TNS3: variants seen among roughly 807,000 people sequenced by gnomAD.
TNS3 encodes the protein tensin 3.
A neutral mutation model predicts 140.9 loss-of-function variants in TNS3; 45 were observed. The ratio of observed to expected loss-of-function variants is 0.32; its 90% CI spans 0.25 to 0.41. TNS3 has a LOEUF of 0.41. Ranked by LOEUF, TNS3 falls within the 10% of genes least tolerant of loss-of-function variation. The pLI is 1.00. For missense variants in TNS3, 1,716 were observed against 1,906.7 expected, an observed-to-expected ratio of 0.90 and a Z score of 1.86; for synonymous variants, 815 against 788.4, an observed-to-expected ratio of 1.03 and a Z score of -0.56.
intron 17 of TNS3, among the ~76,000 whole-genome samples, chr7:47,347,006 C>T (rs568954740): frequency 3.3e-5 from 5 of 152,208 alleles, no homozygotes; most frequent in Admixed American, 2.0e-4. Context: ...AAATGGGGGT[C>T]GGGCTGGGAT....
intron 10 of TNS3, among the ~76,000 whole-genome samples, chr7:47,416,016 G>A (rs551061588): frequency 4.6e-5 from 7 of 152,362 alleles, no homozygotes; most frequent in East Asian, 3.9e-4. Flanking sequence ...CTGCCTGTTG[G>A]TGCCCTGCCT....
chr7:47,342,214 A>G lies in TNS3; in HGVS notation c.2650+2541T>C, dbSNP rs184889987. ...TCTCCCCATCTTTCAGAGCTTTCTTATATTTGTCTTATACTTACTGTCCAA... is the reference window on the plus strand; with the variant it reads ...TCTCCCCATCTTTCAGAGCTTTCTTGTATTTGTCTTATACTTACTGTCCAA... On this transcript the variant is annotated intron_variant, in intron 20 of 30. Coordinates refer to ENST00000311160, the MANE Select transcript of TNS3 (RefSeq NM_022748.12). Among the ~76,000 whole-genome samples the G allele has an allele frequency of 4.5e-3, 680 of 152,240 alleles. 7 individuals carry two copies. Among genetic ancestry groups the G allele is most frequent in the African/African-American group, 0.015 (629 of 41,542 alleles).
intron 5 of TNS3, 82 bp downstream of exon 5, chr7:47,441,921 T>C (rs1217930251): frequency 1.9e-5 from 19 of 1,010,314 alleles, no homozygotes; most frequent in Admixed American, 7.0e-5. Context: ...CAGAAGAAAA[T>C]GATGCCATGC....
At chr7:47,421,756 T>A (rs140401756) in intron 10 of TNS3, among the ~76,000 whole-genome samples, 11 of 152,264 alleles carry the variant, frequency 7.2e-5, no homozygotes, top group Middle Eastern at 3.4e-3. Flanking sequence ...AAAACTTACA[T>A]GGGCACATGT....
In TNS3 at chr7:47,303,191, C is replaced by T. The variant is rs747966107; in HGVS notation, c.3216G>A (p.Thr1072=). The change falls in exon 22 of 31, where the codon ACG becomes ACA. Residue 1072 remains threonine, a synonymous_variant. Coordinates refer to ENST00000311160, the MANE Select transcript of TNS3 (RefSeq NM_022748.12). ...GGTGGCTGCTGTGTCCAGGCGCCACCGTGAGAAAGTTGTGGGACAGGAAGC... is the reference window on the plus strand; with the variant it reads ...GGTGGCTGCTGTGTCCAGGCGCCACTGTGAGAAAGTTGTGGGACAGGAAGC... ...DNGFLSHNFL[T]VAPGHSSHHS... 1.9e-5 allele frequency: 30 copies of T among 1,613,402 alleles called. No individual in the cohort carries two copies. The Admixed American group carries it at 4.2e-4, about 22-fold the overall frequency.
upstream of TNS3, chr7:47,582,470 A>C (rs1358160770): frequency 2.2e-6 from 1 of 456,636 alleles, no homozygotes; most frequent in Middle Eastern, 3.3e-4. Flanking sequence ...CAACCAGTTC[A>C]TTCTTTCATT....
At chr7:47,388,231 T>C (rs1007207031) in intron 16 of TNS3, among the ~76,000 whole-genome samples, 50 of 151,946 alleles carry the variant, frequency 3.3e-4, no homozygotes, top group Non-Finnish European at 2.5e-4. Context: ...TACACCAGGG[T>C]CTACACACAC....
chr7:47,448,223 T>A (rs1795845136), intron 4 of TNS3, among the ~76,000 whole-genome samples: 1 of 152,180 alleles, frequency 6.6e-6, no homozygotes, highest in Non-Finnish European at 1.5e-5. Flanking sequence ...CACTCACCCA[T>A]GTGGGGCATG....
At chr7:47,306,793 G>A (rs187489722) in intron 20 of TNS3, among the ~76,000 whole-genome samples, 2 of 152,256 alleles carry the variant, frequency 1.3e-5, no homozygotes, top group East Asian at 1.9e-4. Flanking sequence ...TAGCAAGCAT[G>A]GCTACGATCT....
At chr7:47,511,164 G>C (rs1357322887) in intron 2 of TNS3, among the ~76,000 whole-genome samples, 4 of 152,172 alleles carry the variant, frequency 2.6e-5, no homozygotes, top group African/African-American at 2.4e-5. Context: ...CAGTGAAACT[G>C]AACTTTAAGC....
At chr7:47,393,568 C>T (rs1379190385) in intron 16 of TNS3, among the ~76,000 whole-genome samples, 3 of 152,162 alleles carry the variant, frequency 2.0e-5, no homozygotes, top group Non-Finnish European at 4.4e-5. Flanking sequence ...CCTGTCACTC[C>T]ACCTCCCTGG....
intron 1 of TNS3, among the ~76,000 whole-genome samples, chr7:47,575,205 T>C (rs939375050): frequency 6.6e-6 from 1 of 152,204 alleles, no homozygotes. Context: ...TACATCCACA[T>C]ACTGGAGTAC....
chr7:47,278,794 A>G (rs1784990456), intron 30 of TNS3: 1 of 152,438 alleles, frequency 6.6e-6, no homozygotes, highest in African/African-American at 2.4e-5. Flanking sequence ...AGAACAGCCC[A>G]TCGAATTATT....
Position 47,275,580 on chromosome 7 carries a change from T to TCACCCC in TNS3, c.*2495_*2496insGGGGTG, listed in dbSNP as rs1784838366. The stretch of plus-strand genomic sequence containing the variant: ...GCCGGTGTCCACGGTGGGGGCTCTC[T>TCACCCC]CACGGTTTCTGAGCCCACAGTACAA... On this transcript the variant is annotated 3_prime_UTR_variant, in exon 31 of 31. Transcript: ENST00000311160. The TCACCCC allele has an allele frequency of 6.0e-6, 2 of 330,630 alleles. No individual in the cohort carries two copies. The allele number at this position is 330,630 out of a possible 1,614,324, so 20.5% of individuals were successfully genotyped here. A position where few individuals can be genotyped will look rare whatever the true frequency, so the allele number is the denominator to read the frequency against.
chr7:47,522,734 C>T (rs1206710747), intron 2 of TNS3, among the ~76,000 whole-genome samples: 1 of 152,152 alleles, frequency 6.6e-6, no homozygotes, highest in Non-Finnish European at 1.5e-5. Context: ...CGAGACCATC[C>T]TGGCTAACAT....
intron 1 of TNS3, among the ~76,000 whole-genome samples, chr7:47,563,921 C>T (rs1037922757): frequency 1.3e-5 from 2 of 152,224 alleles, no homozygotes; most frequent in Non-Finnish European, 2.9e-5. Context: ...AGGCCGGGCG[C>T]GGTGGCTCAC....
chr7:47,415,156 G>A lies in TNS3; in HGVS notation c.524C>T (p.Ala175Val), dbSNP rs201161269. Residue 175 changes from alanine to valine, a missense_variant, in exon 11 of 31, where the codon GCC becomes GTC. Ala to Val is a moderately conservative substitution (Grantham distance 64, BLOSUM62 0). Transcript: ENST00000311160. Reference sequence around the variant, plus strand: ...GACAAAATGCAGGAACAGGGGAGAGGCATTCATTTTCACCGATCCGGACAG... The same window carrying A: ...GACAAAATGCAGGAACAGGGGAGAGACATTCATTTTCACCGATCCGGACAG... The part of the protein sequence containing the change: ...GLLSGSVKMN[A>V]SPLFLHFVIL... 22 of 1,611,148 alleles carry A rather than the reference G, an allele frequency of 1.4e-5. No individual in the cohort carries two copies. In the African/African-American group the frequency reaches 2.8e-4, roughly 21 times the overall value.
At chr7:47,312,587 C>A (rs1272108811) in intron 20 of TNS3, among the ~76,000 whole-genome samples, 1 of 151,980 alleles carries the variant, frequency 6.6e-6, no homozygotes, top group Non-Finnish European at 1.5e-5. Flanking sequence ...CCTGTAATCC[C>A]AGCTACTCGG....
At chr7:47,529,008 A>G in intron 2 of TNS3, 28 bp downstream of exon 2, 1 of 1,207,408 alleles carries the variant, frequency 8.3e-7, no homozygotes, top group Non-Finnish European at 1.1e-6. Context: ...TGGATTAATC[A>G]GTGAGAGAAT....
Sources: allele counts gnomAD v4.1 joint callset (sites outside exome capture counted in the v4.1 genomes callset), GRCh38; gene constraint gnomAD v4.1.1; transcripts MANE v1.5; gene names NCBI Gene and HGNC (gene_info 2026-07-23, HGNC 2026-07-21).